Variants in PLEKHA7 observed in about 807,000 individuals in gnomAD.
PLEKHA7 encodes pleckstrin homology domain containing A7.
Under a neutral mutation model 170.0 loss-of-function variants are expected in PLEKHA7, and 104 were observed. The ratio of observed to expected loss-of-function variants is 0.61; its 90% CI spans 0.52 to 0.72. The LOEUF (loss-of-function observed/expected upper bound fraction) is 0.72. Ranked by LOEUF, PLEKHA7 falls within the 30% of genes least tolerant of loss-of-function variation. PLEKHA7 has a pLI of 0.00. For missense variants in PLEKHA7, 1,615 were observed against 1,671.7 expected (o/e 0.97, Z 0.59); for synonymous variants, 648 against 660.8 (o/e 0.98, Z 0.30).
At chr11:16,937,011 G>C (rs1860351672) in intron 3 of PLEKHA7, among the ~76,000 whole-genome samples, 1 of 152,200 alleles carries the variant, frequency 6.6e-6, no homozygotes, top group Non-Finnish European at 1.5e-5. Context: ...CCTCATCTTT[G>C]AGGACTACCA....
chr11:17,008,030 G>T (rs1260892576), intron 3 of PLEKHA7, among the ~76,000 whole-genome samples: 2 of 152,102 alleles, frequency 1.3e-5, no homozygotes, highest in East Asian at 3.9e-4. Context: ...TGCAAATTAT[G>T]TAGCCAGTCC....
At chr11:16,918,052 T>A (rs554564800) in intron 3 of PLEKHA7, among the ~76,000 whole-genome samples, 1 of 152,276 alleles carries the variant, frequency 6.6e-6, no homozygotes, top group South Asian at 2.1e-4. Context: ...ACAGCTCCAC[T>A]CTAGGTAAAT....
At chr11:16,841,047 G>C (rs1201818277) in intron 9 of PLEKHA7, among the ~76,000 whole-genome samples, 1 of 152,128 alleles carries the variant, frequency 6.6e-6, no homozygotes, top group Non-Finnish European at 1.5e-5. Flanking sequence ...GGGCCACTCT[G>C]ATCTCTCTCT....
chr11:16,906,626 G>C (rs1224539990), intron 3 of PLEKHA7, among the ~76,000 whole-genome samples: 1 of 138,738 alleles, frequency 7.2e-6, no homozygotes, highest in Non-Finnish European at 1.5e-5. Context: ...CTCACTCAGT[G>C]TTCAGTGGTG....
intron 5 of PLEKHA7, chr11:16,855,502 C>A: frequency 2.8e-6 from 1 of 352,848 alleles, no homozygotes; most frequent in Non-Finnish European, 5.1e-6. Context: ...TCTCTCCAGG[C>A]TTGCTTTAAC....
intron 3 of PLEKHA7, among the ~76,000 whole-genome samples, chr11:16,952,905 C>A (rs955670514): frequency 3.9e-5 from 6 of 152,216 alleles, no homozygotes; most frequent in African/African-American, 1.4e-4. Context: ...AAAGCTTTTT[C>A]ATGAATTAAC....
At chr11:16,842,226 TTC>T (rs1852019844) in intron 8 of PLEKHA7, 1 of 152,774 alleles carries the variant, frequency 6.5e-6, no homozygotes. Context: ...GAAGCTGCTG[TTC>T]TGTCTCTCCA....
Position 17,014,362 on chromosome 11 carries a change from G to A in PLEKHA7, c.40C>T (p.His14Tyr). The A allele has an allele frequency of 2.8e-6, 4 of 1,436,194 alleles. No individual in the cohort carries two copies. The South Asian group carries it at 5.8e-5, about 21-fold the overall frequency. 89.0% of individuals were successfully genotyped at this position (1,436,194 alleles called of 1,614,324 possible). ...TCCCGGCACACCCCGTAGGACCAAT[G>A]CTCAGGTAAAGTGTCCCGCCCGACC... ...ATVGRDTLPE[H>Y]WSYGVCRDGR... is the part of the protein sequence containing the mutation. Residue 14 changes from histidine to tyrosine, a missense_variant, in exon 1 of 27, where the codon CAT becomes TAT. Transcript: ENST00000531066.
intron 13 of PLEKHA7, among the ~76,000 whole-genome samples, chr11:16,805,339 C>T (rs1334346208): frequency 9.9e-5 from 15 of 152,114 alleles, no homozygotes; most frequent in Non-Finnish European, 2.2e-4. Flanking sequence ...GAAGCTGAAT[C>T]CTCTAAATTA....
At chr11:16,906,603 G>C (rs10832698) in intron 3 of PLEKHA7, among the ~76,000 whole-genome samples, 2 of 133,696 alleles carry the variant, frequency 1.5e-5, no homozygotes, top group African/African-American at 6.7e-5. Flanking sequence ...GATGGCAGAC[G>C]GAGTCGCGTT....
chr11:16,834,591 G>A (rs117961948), intron 9 of PLEKHA7, among the ~76,000 whole-genome samples: 2,549 of 152,312 alleles, frequency 0.017, 22 homozygotes, highest in Non-Finnish European at 0.027. Context: ...GAAAAAAGAT[G>A]AGTTGTTTTC....
intron 3 of PLEKHA7, among the ~76,000 whole-genome samples, chr11:16,904,625 C>T (rs1056647946): frequency 3.3e-5 from 5 of 152,154 alleles, no homozygotes; most frequent in Admixed American, 1.3e-4. Context: ...GCATATTTCT[C>T]TGAATATTAC....
Position 16,873,978 on chromosome 11 carries a change from A to G in PLEKHA7, c.222-2796T>C, listed in dbSNP as rs188650596. Among the ~76,000 whole-genome samples the G allele has an allele frequency of 1.1e-4, 17 of 152,242 alleles. No homozygotes were observed. In the East Asian group the frequency reaches 3.1e-3, roughly 28 times the overall value. The stretch of plus-strand genomic sequence containing the variant: ...CACCACTCCTGGCCCAGCTTTTTCT[A>G]GAGACTTATCTCCACTTGCCAGAGA... On this transcript the variant is annotated intron_variant, in intron 3 of 26. Transcript: ENST00000531066.
chr11:16,806,330 T>C (rs1447866931), intron 13 of PLEKHA7, among the ~76,000 whole-genome samples: 1 of 152,228 alleles, frequency 6.6e-6, no homozygotes, highest in East Asian at 1.9e-4. Flanking sequence ...GCGTATTACA[T>C]CTAATTTTCC....
intron 23 of PLEKHA7, 163 bp from the exon 24 acceptor site, chr11:16,786,550 G>C: frequency 1.0e-6 from 1 of 985,420 alleles, no homozygotes; most frequent in Non-Finnish European, 1.2e-6. Flanking sequence ...CTTCATATGG[G>C]CTGTTCCAGA....
chr11:16,950,321 C>T (rs1861323444), intron 3 of PLEKHA7, among the ~76,000 whole-genome samples: 1 of 151,994 alleles, frequency 6.6e-6, no homozygotes, highest in African/African-American at 2.4e-5. Context: ...GAAGAACACC[C>T]AGAGCAATGA....
In PLEKHA7 at chr11:16,791,201, TGCTGAGAAAGAGAACCAGACCAGTGGTCA is replaced by T. The variant is rs750683925; in HGVS notation, c.2746-31_2746-3del. On this transcript the variant is annotated splice_region_variant and splice_polypyrimidine_tract_variant and intron_variant, in intron 19 of 26. Coordinates refer to ENST00000531066, the MANE Select transcript of PLEKHA7 (RefSeq NM_001329630.2). The surrounding 1 kb of genome is among the most constrained non-coding windows in gnomAD (Gnocchi z 4.5). ...GGGCCTGGGAGGTGCTTCATCTTCC[TGCTGAGAAAGAGAACCAGACCAGTGGTCA>T]GCGAGACGGAGCTGGAGGGAGGACT... 1 of 1,585,284 alleles carries T rather than the reference TGCTGAGAAAGAGAACCAGACCAGTGGTCA, an allele frequency of 6.3e-7. No homozygotes were observed.
chr11:17,013,387 C>T (rs1205741290), intron 3 of PLEKHA7: 1 of 152,382 alleles, frequency 6.6e-6, no homozygotes, highest in Non-Finnish European at 1.5e-5. Flanking sequence ...CGAAGAGACG[C>T]GGAGCGCTCG....
chr11:16,822,977 T>C (rs969253569), intron 10 of PLEKHA7, among the ~76,000 whole-genome samples: 2 of 145,306 alleles, frequency 1.4e-5, no homozygotes, highest in African/African-American at 5.0e-5. Context: ...GAGTTGTATG[T>C]ATGTATTATT....
Sources: gnomAD v4.1 joint callset for allele counts (sites outside exome capture counted in the v4.1 genomes callset) on GRCh38, gnomAD v4.1.1 for gene constraint, Gnocchi (gnomAD v3.1) non-coding constraint, MANE v1.5 for transcripts, NCBI Gene and HGNC (gene_info 2026-07-23, HGNC 2026-07-21) for gene names.